The following COL14A1 variants were observed in gnomAD, a reference collection of about 807,000 sequenced individuals.
The protein encoded by COL14A1 is collagen alpha-1(XIV) chain.
Under a neutral mutation model 230.3 loss-of-function variants are expected in COL14A1, and 136 were observed. The ratio of observed to expected loss-of-function variants is 0.59; its 90% CI spans 0.51 to 0.68. The LOEUF (loss-of-function observed/expected upper bound fraction) is 0.68. Ranked by LOEUF, COL14A1 falls within the 30% of genes least tolerant of loss-of-function variation. The probability of loss-of-function intolerance (pLI) is 0.00; values close to 1 mark genes in which losing one functional copy is unlikely to be tolerated. For missense variants in COL14A1, 1,976 were observed against 2,215.8 expected, an observed-to-expected ratio of 0.89 and a Z score of 2.17; for synonymous variants, 792 against 784.1, an observed-to-expected ratio of 1.01 and a Z score of -0.17.
At chr8:120,265,257 T>G (rs1453436091) in intron 24 of COL14A1, among the ~76,000 whole-genome samples, 1 of 152,136 alleles carries the variant, frequency 6.6e-6, no homozygotes, top group East Asian at 1.9e-4. Flanking sequence ...CTTGATTTAT[T>G]GACCAGACTT....
intron 40 of COL14A1, among the ~76,000 whole-genome samples, chr8:120,323,190 A>G (rs1563737586): frequency 6.6e-6 from 1 of 151,146 alleles, no homozygotes; most frequent in Non-Finnish European, 1.5e-5. Flanking sequence ...TTTTTTTCAT[A>G]TGTTTGTTGG....
intron 1 of COL14A1, among the ~76,000 whole-genome samples, chr8:120,132,837 G>C (rs1267741676): frequency 2.0e-5 from 3 of 152,072 alleles, no homozygotes; most frequent in Non-Finnish European, 4.4e-5. Context: ...TTGTTAAAAA[G>C]TAACCTCTCC....
intron 5 of COL14A1, among the ~76,000 whole-genome samples, chr8:120,195,544 G>T (rs889561273): frequency 1.3e-5 from 2 of 152,138 alleles, no homozygotes; most frequent in East Asian, 3.9e-4. Flanking sequence ...ACATACTCGA[G>T]ACTGGGTAAT....
rs1028959775 is a variant in COL14A1, at chr8:120,372,695, A to G, written c.*1464A>G. ...ACCAGGTTCTCTTTCTGTCCTTCTC[A>G]TAATCTCCTGATCTTTGGAGATGAA... On this transcript the variant is annotated 3_prime_UTR_variant, in exon 48 of 48. Coordinates refer to ENST00000297848, the MANE Select transcript of COL14A1 (RefSeq NM_021110.4). 1.3e-5 allele frequency among the ~76,000 whole-genome samples: 2 copies of G among 152,092 alleles called. No homozygotes were observed. The highest frequency in any genetic ancestry group is 4.8e-5 in the African/African-American group (2 of 41,416).
intron 1 of COL14A1, among the ~76,000 whole-genome samples, chr8:120,145,593 G>A (rs1056238975): frequency 2.0e-4 from 30 of 152,244 alleles, no homozygotes; most frequent in Middle Eastern, 3.4e-3. Flanking sequence ...CTCCAGCCCT[G>A]GGGACAAGAG....
rs2305600 is a variant in COL14A1, at chr8:120,203,752, T to C, written c.921T>C (p.Ser307=). The C allele has an allele frequency of 0.5, 798,755 of 1,613,242 alleles. 203,117 individuals are homozygous for C. Among genetic ancestry groups the C allele is most frequent in the African/African-American group, 0.76 (57,027 of 74,858 alleles). The stretch of plus-strand genomic sequence containing the variant: ...TGAATGAGCTGCAGGAGATCGCCTC[T>C]GAACCAGACAGCACTCATGTGTACA... The part of the protein sequence containing the change: ...ADVNELQEIA[S]EPDSTHVYNV... Residue 307 remains serine, a synonymous_variant, in exon 9 of 48, where the codon TCT becomes TCC. Coordinates refer to ENST00000297848, the MANE Select transcript of COL14A1 (RefSeq NM_021110.4).
chr8:120,355,625 C>T (rs1221359614), intron 45 of COL14A1, among the ~76,000 whole-genome samples: 1 of 152,014 alleles, frequency 6.6e-6, no homozygotes, highest in Admixed American at 6.6e-5. Flanking sequence ...GTAGGCCAGG[C>T]TAGTCTCGAA....
chr8:120,180,751 A>G (rs1422568077), intron 5 of COL14A1, among the ~76,000 whole-genome samples: 1 of 117,166 alleles, frequency 8.5e-6, no homozygotes, highest in Non-Finnish European at 1.6e-5. Context: ...TCTGTTTCCC[A>G]GGCTGGCGTG....
intron 5 of COL14A1, among the ~76,000 whole-genome samples, chr8:120,192,249 A>C (rs985893479): frequency 6.6e-6 from 1 of 152,178 alleles, no homozygotes; most frequent in Non-Finnish European, 1.5e-5. Flanking sequence ...TGGTGGTGAC[A>C]AAATCTCTCA....
intron 23 of COL14A1, among the ~76,000 whole-genome samples, chr8:120,257,572 G>C (rs1168465902): frequency 6.6e-6 from 1 of 152,106 alleles, no homozygotes; most frequent in Non-Finnish European, 1.5e-5. Context: ...TATCTTATAG[G>C]GGAATGTGTT....
intron 46 of COL14A1, 134 bp downstream of exon 46, chr8:120,367,382 G>A (rs1823440678): frequency 8.3e-6 from 6 of 727,058 alleles, no homozygotes; most frequent in Non-Finnish European, 1.1e-5. Context: ...GTTTTATTGG[G>A]AGGCTTCTTT....
At chr8:120,323,225 A>G (rs1482271175) in intron 40 of COL14A1, among the ~76,000 whole-genome samples, 1 of 151,910 alleles carries the variant, frequency 6.6e-6, no homozygotes, top group Non-Finnish European at 1.5e-5. Flanking sequence ...TCTTTTGAGA[A>G]ATGTCTGTTC....
At chr8:120,192,406 G>T (rs1310237988) in intron 5 of COL14A1, among the ~76,000 whole-genome samples, 1 of 151,898 alleles carries the variant, frequency 6.6e-6, no homozygotes, top group East Asian at 1.9e-4. Context: ...AGTTTCTGCC[G>T]AGAGATCCAC....
At chr8:120,333,405 G>A (rs1241144988) in intron 42 of COL14A1, among the ~76,000 whole-genome samples, 1 of 152,206 alleles carries the variant, frequency 6.6e-6, no homozygotes, top group Non-Finnish European at 1.5e-5. Flanking sequence ...ATCTTCTGGT[G>A]ACATGCAAGT....
chr8:120,267,350 C>A (rs1819529103), intron 25 of COL14A1, among the ~76,000 whole-genome samples: 1 of 151,644 alleles, frequency 6.6e-6, no homozygotes, highest in Non-Finnish European at 1.5e-5. Context: ...TTTTTTATTT[C>A]AATAATGAAC....
intron 1 of COL14A1, among the ~76,000 whole-genome samples, chr8:120,141,304 A>C (rs747678893): frequency 2.5e-4 from 38 of 152,142 alleles, no homozygotes; most frequent in Non-Finnish European, 5.4e-4. Flanking sequence ...GTATTTTGAG[A>C]GTCTGAGAAG....
At position 120,280,726 on chromosome 8, in the gene COL14A1, A is replaced by G; in HGVS notation, c.3662A>G (p.His1221Arg). 1.2e-6 allele frequency: 2 copies of G among 1,613,554 alleles called. No individual in the cohort carries two copies. The part of the protein sequence containing the change: ...ETASATCPVV[H>R]KDGIDLAGFK... ...GGTTTTCCAGCCTGTCCAGTGGTAC[A>G]CAAGGATGGCATTGATCTTGCAGGT... is the stretch of plus-strand genomic sequence containing the variant. The change falls in exon 30 of 48, where the codon CAC becomes CGC. Residue 1221 changes from histidine to arginine, a missense_variant. Physicochemically the swap from His to Arg is conservative, Grantham distance 29 (BLOSUM62 0). Coordinates refer to ENST00000297848, the MANE Select transcript of COL14A1 (RefSeq NM_021110.4).
chr8:120,196,808 C>G lies in COL14A1; in HGVS notation c.454C>G (p.Gln152Glu), dbSNP rs777735334. Residue 152 changes from glutamine (Q) to glutamate (E), a missense_variant, in exon 6 of 48, where the codon CAA becomes GAA. Coordinates refer to ENST00000297848, the MANE Select transcript of COL14A1 (RefSeq NM_021110.4). ...SSPEEVKFVC[Q>E]TPAIADIVIL... ...CTTTGCAGAAGTGAAATTTGTCTGT[C>G]AAACTCCAGCAATTGCTGACATTGT... The G allele has an allele frequency of 3.7e-6, 6 of 1,613,654 alleles. No individual in the cohort carries two copies. The African/African-American group carries it at 8.0e-5, about 22-fold the overall frequency.
At chr8:120,126,848 A>C (rs1037166518) in intron 1 of COL14A1, among the ~76,000 whole-genome samples, 2 of 152,232 alleles carry the variant, frequency 1.3e-5, no homozygotes, top group African/African-American at 4.8e-5. Context: ...TTTTCAGAAG[A>C]GTAACTTGGA....
Sources: allele counts gnomAD v4.1 joint callset (sites outside exome capture counted in the v4.1 genomes callset), GRCh38; gene constraint gnomAD v4.1.1; transcripts MANE v1.5; gene names NCBI Gene and HGNC (gene_info 2026-07-23, HGNC 2026-07-21).